SF3A1: variants seen among roughly 807,000 people sequenced by gnomAD.
The protein encoded by SF3A1 is SAP 114.
Under a neutral mutation model 89.9 loss-of-function variants are expected in SF3A1, and 13 were observed. The observed-to-expected ratio is 0.14, with a 90% CI of 0.09 to 0.23. The LOEUF is 0.23. Among genes scored for constraint, SF3A1 ranks in the 10% least tolerant of loss-of-function variants. SF3A1 has a pLI of 1.00. For synonymous variants in SF3A1, 405 were observed against 374.4 expected (o/e 1.08, Z -0.94); for missense variants, 604 against 1,022.1 (o/e 0.59, Z 5.58).
At chr22:30,351,561 A>G (rs1248503108) in intron 2 of SF3A1, among the ~76,000 whole-genome samples, 1 of 152,140 alleles carries the variant, frequency 6.6e-6, no homozygotes, top group Non-Finnish European at 1.5e-5. Flanking sequence ...CACCCAGGCT[A>G]GAGTCCATGG....
In SF3A1 at chr22:30,332,670, T is replaced by C. The variant is rs1008752841; in HGVS notation, c.*1924A>G. On this transcript the variant is annotated 3_prime_UTR_variant, in exon 16 of 16. Transcript: ENST00000215793. Reference sequence around the variant, plus strand: ...AGTGCCAAGCAGCACACTGGGCCTGTGGCCACTGATGTTCACAAGGCCTCA... The same window carrying C: ...AGTGCCAAGCAGCACACTGGGCCTGCGGCCACTGATGTTCACAAGGCCTCA... The C allele has an allele frequency of 2.0e-5, 3 of 152,234 alleles. No homozygotes were observed. The highest frequency in any genetic ancestry group is 7.2e-5 in the African/African-American group (3 of 41,460). The allele number at this position is 152,234 out of a possible 1,614,324, so 9.4% of individuals were successfully genotyped here.
At chr22:30,344,743 T>C (rs1268594556) in intron 4 of SF3A1, among the ~76,000 whole-genome samples, 190 bp downstream of exon 4, 2 of 152,240 alleles carry the variant, frequency 1.3e-5, no homozygotes, top group East Asian at 1.9e-4. Flanking sequence ...AAACCGGCAG[T>C]CTGTGTTGCA....
At chr22:30,340,517 T>C (rs1931217356) in intron 8 of SF3A1, 136 bp from the exon 9 acceptor site, 1 of 960,256 alleles carries the variant, frequency 1.0e-6, no homozygotes, top group African/African-American at 1.7e-5. Context: ...TGAAAGGCAC[T>C]AGGGCACCAG....
intron 11 of SF3A1, 100 bp downstream of exon 11, chr22:30,338,689 T>G: frequency 6.8e-7 from 1 of 1,475,676 alleles, no homozygotes; most frequent in Non-Finnish European, 9.4e-7. Flanking sequence ...CACCCAACAC[T>G]CAGGCCCCAC....
Position 30,356,843 on chromosome 22 carries a change from C to G in SF3A1, c.-51G>C. On this transcript the variant is annotated 5_prime_UTR_variant, in exon 1 of 16. Transcript: ENST00000215793. ...CCGCCTCGGTGTCGGTGAGCGGTGC[C>G]GCCTCAAGACAGCCTCCCCGCTCGG... 7.8e-7 allele frequency: 1 copy of G among 1,279,426 alleles called. No individual in the cohort carries two copies. Among genetic ancestry groups the G allele is most frequent in the Non-Finnish European group, 1.0e-6 (1 of 1,004,364 alleles). 79.3% of individuals were successfully genotyped at this position (1,279,426 alleles called of 1,614,324 possible).
intron 15 of SF3A1, 102 bp from the exon 16 acceptor site, chr22:30,334,797 G>C: frequency 1.3e-6 from 1 of 743,150 alleles, no homozygotes; most frequent in Non-Finnish European, 2.2e-6. Context: ...TCTGGACTTA[G>C]CAAATACAGG....
At chr22:30,339,518 C>A (rs905856229) in intron 9 of SF3A1, among the ~76,000 whole-genome samples, 1 of 152,156 alleles carries the variant, frequency 6.6e-6, no homozygotes, top group African/African-American at 2.4e-5. Context: ...CTTTGGGGGG[C>A]CAAGGCAGGA....
chr22:30,343,008 C>A, intron 4 of SF3A1, 129 bp from the exon 5 acceptor site: 2 of 600,818 alleles, frequency 3.3e-6, no homozygotes, highest in Non-Finnish European at 5.9e-6. Flanking sequence ...ATCCCAGCTC[C>A]ACTTGGCTGT....
Position 30,345,144 on chromosome 22 carries a change from G to A in SF3A1, c.440C>T (p.Pro147Leu). 1 of 1,614,170 alleles carries A rather than the reference G, an allele frequency of 6.2e-7. No homozygotes were observed. The highest frequency in any genetic ancestry group is 8.5e-7 in the Non-Finnish European group (1 of 1,180,008). ...ATCAGCAATGAACTCAAACTCAGGA[G>A]GAGGCTCTTTGGGCACGATGGTCTC... ...IQETIVPKEP[P>L]PEFEFIADPP... is the part of the protein sequence containing the mutation. Residue 147 changes from proline to leucine, a missense_variant, in exon 4 of 16, where the codon CCT (proline) becomes CTT (leucine). By Grantham distance (98) the Pro-to-Leu change is moderately conservative. Coordinates refer to ENST00000215793, the MANE Select transcript of SF3A1 (RefSeq NM_005877.6).
intron 7 of SF3A1, among the ~76,000 whole-genome samples, chr22:30,341,107 A>AGG (rs1931237791): frequency 2.1e-5 from 1 of 47,650 alleles, no homozygotes; most frequent in South Asian, 5.7e-4. Context: ...GACAGTGCCA[A>AGG]GGGGGCGAGG....
intron 9 of SF3A1, among the ~76,000 whole-genome samples, 189 bp downstream of exon 9, chr22:30,340,007 C>CAGTGTCTGCCTTTGGGGAATTTCTATGGG (rs1931198613): frequency 6.6e-6 from 1 of 152,240 alleles, no homozygotes; most frequent in Admixed American, 6.5e-5. Context: ...GCATCTCCTT[C>CAGTGTCTGCCTTTGGGGAATTTCTATGGG]AGTGTCTGCC....
chr22:30,336,896 C>A, intron 13 of SF3A1, 130 bp downstream of exon 13: 1 of 989,628 alleles, frequency 1.0e-6, no homozygotes, highest in Non-Finnish European at 1.6e-6. Flanking sequence ...CCCTTAGATG[C>A]CTCCAACAGC....
In SF3A1 at chr22:30,332,444, T is replaced by C. The variant is rs1930946033; in HGVS notation, c.*2150A>G. 6.6e-6 allele frequency: 1 copy of C among 152,228 alleles called. No individual in the cohort carries two copies. Among genetic ancestry groups the C allele is most frequent in the African/African-American group, 2.4e-5 (1 of 41,466 alleles). 9.4% of individuals were successfully genotyped at this position (152,228 alleles called of 1,614,324 possible). The stretch of plus-strand genomic sequence containing the variant: ...AGTGTGGTCTGGTGGAGCAGAGCAG[T>C]GTGGTCCCCAGGAAGGGATGAGCTG... On this transcript the variant is annotated 3_prime_UTR_variant, in exon 16 of 16. Coordinates refer to ENST00000215793, the MANE Select transcript of SF3A1 (RefSeq NM_005877.6).
intron 6 of SF3A1, 69 bp downstream of exon 6, chr22:30,342,131 C>A: frequency 1.9e-6 from 3 of 1,566,596 alleles, no homozygotes; most frequent in Non-Finnish European, 2.6e-6. Flanking sequence ...TCTGGGAACA[C>A]CTGCACCAGG....
intron 1 of SF3A1, among the ~76,000 whole-genome samples, chr22:30,355,612 C>A (rs1200558802): frequency 6.6e-6 from 1 of 152,190 alleles, no homozygotes; most frequent in Non-Finnish European, 1.5e-5. Flanking sequence ...AAGTAAGAAT[C>A]GCATCTCCTG....
In SF3A1 at chr22:30,346,330, C is replaced by T. The variant is rs1931418563; in HGVS notation, c.375G>A (p.Gln125=). The part of the protein sequence containing the change: ...KVMQQQQQTT[Q]QQLPQKVQAQ... ...TCCAAACCTTCTGGGGCAGCTGCTG[C>T]TGGGTGGTCTGCTGCTGCTGCTGCA... Residue 125 remains glutamine (Q), a synonymous_variant, in exon 3 of 16, where the codon CAG becomes CAA. Transcript: ENST00000215793. The T allele has an allele frequency of 6.2e-7, 1 of 1,613,170 alleles. No homozygotes were observed. Among genetic ancestry groups the T allele is most frequent in the Non-Finnish European group, 8.5e-7 (1 of 1,179,286 alleles).
At chr22:30,354,514 C>T (rs1364890482) in intron 1 of SF3A1, among the ~76,000 whole-genome samples, 1 of 152,154 alleles carries the variant, frequency 6.6e-6, no homozygotes, top group East Asian at 1.9e-4. Flanking sequence ...ATCCCCACTC[C>T]CACCGCCCAA....
chr22:30,348,489 A>T (rs368317900), intron 2 of SF3A1, among the ~76,000 whole-genome samples: 5 of 152,174 alleles, frequency 3.3e-5, no homozygotes, highest in Non-Finnish European at 5.9e-5. Flanking sequence ...GAAAACAAAA[A>T]TTTTTTAAAT....
chr22:30,347,817 C>T (rs1931464846), intron 2 of SF3A1, among the ~76,000 whole-genome samples: 1 of 152,180 alleles, frequency 6.6e-6, no homozygotes, highest in Non-Finnish European at 1.5e-5. Flanking sequence ...TCCCTTTCTA[C>T]CTTGAAACAT....
Sources: gnomAD v4.1 joint callset for allele counts (sites outside exome capture counted in the v4.1 genomes callset) on GRCh38, gnomAD v4.1.1 for gene constraint, MANE v1.5 for transcripts, NCBI Gene and HGNC (gene_info 2026-07-23, HGNC 2026-07-21) for gene names.